MIB1: variants seen among roughly 807,000 people sequenced by gnomAD.
MIB1 encodes MIB E3 ubiquitin protein ligase 1.
A neutral mutation model predicts 124.5 loss-of-function variants in MIB1; 278 were observed. The observed-to-expected ratio is 2.23, with a 90% CI of 2.02 to 2.47. The LOEUF (loss-of-function observed/expected upper bound fraction) is 2.47. MIB1 is among the 30% of genes most tolerant of loss of function. The pLI is 0.00. For missense variants in MIB1, 957 were observed against 1,254.4 expected, an observed-to-expected ratio of 0.76 and a Z score of 3.58; for synonymous variants, 446 against 429.4, an observed-to-expected ratio of 1.04 and a Z score of -0.48.
intron 19 of MIB1, 52 bp downstream of exon 19, chr18:21,857,295 C>A (rs757987187): frequency 1.9e-6 from 2 of 1,070,216 alleles, no homozygotes; most frequent in South Asian, 1.3e-5. Context: ...TTGGGACTTG[C>A]ATAAACACCT....
intron 1 of MIB1, among the ~76,000 whole-genome samples, chr18:21,759,229 G>GTATA (rs34993928): frequency 3.3e-5 from 5 of 149,540 alleles, no homozygotes; most frequent in East Asian, 1.9e-4. Flanking sequence ...ATATATATGT[G>GTATA]TATATATATA....
rs2040730587 is a variant in MIB1 at position 21,724,721 on chromosome 18, AAAAAAAATATATATATATATAT to A, written n.167+19600_167+19621del. 6.9e-5 allele frequency among the ~76,000 whole-genome samples: 4 copies of A among 58,116 alleles called. 1 individual carries two copies. Among genetic ancestry groups the A allele is most frequent in the African/African-American group, 2.0e-4 (3 of 14,816 alleles). 38.1% of individuals were successfully genotyped at this position (58,116 alleles called of 152,430 possible). A position where few individuals can be genotyped will look rare whatever the true frequency, so the allele number is the denominator to read the frequency against. ...CTCTGTCTCCCCCATCCAAAAAAAA[AAAAAAAATATATATATATATAT>A]ATATATATATATATATATATATATA... On this transcript the variant is annotated intron_variant and non_coding_transcript_variant, in intron 1 of 20. Transcript: ENST00000578646.
In MIB1 at chr18:21,857,296, A is replaced by G. The variant is rs898169736; in HGVS notation, c.2779+53A>G. 4.7e-5 allele frequency: 50 copies of G among 1,070,842 alleles called. No individual in the cohort carries two copies. The South Asian group carries it at 5.3e-4, about 11-fold the overall frequency. 66.3% of individuals were successfully genotyped at this position (1,070,842 alleles called of 1,614,324 possible). A position where few individuals can be genotyped will look rare whatever the true frequency, so the allele number is the denominator to read the frequency against. On this transcript the variant is annotated intron_variant, in intron 19 of 20. Coordinates refer to ENST00000261537, the MANE Select transcript of MIB1 (RefSeq NM_020774.4). ...TATTTTGCTTTTTTTTGGGACTTGC[A>G]TAAACACCTCTTCTCTTTCGTAATA...
intron 13 of MIB1, among the ~76,000 whole-genome samples, chr18:21,842,083 C>G (rs1361186803): frequency 8.4e-6 from 1 of 119,636 alleles, no homozygotes; most frequent in Non-Finnish European, 1.7e-5. Flanking sequence ...CAGAGTGAGA[C>G]CCTATCTCAA....
chr18:21,852,670 A>G (rs1228597945), intron 17 of MIB1, among the ~76,000 whole-genome samples: 2 of 152,196 alleles, frequency 1.3e-5, no homozygotes, highest in African/African-American at 4.8e-5. Context: ...TTTAAGGTAG[A>G]GTTTCTTAAA....
intron 4 of MIB1, among the ~76,000 whole-genome samples, chr18:21,777,254 A>G (rs2146422759): frequency 6.6e-6 from 1 of 152,084 alleles, no homozygotes; most frequent in East Asian, 2.0e-4. Flanking sequence ...CCCTGTCTGT[A>G]CTAAAAATGC....
rs1278934072 is a variant in MIB1 at position 21,725,206 on chromosome 18, A to G, written n.167+20083A>G. Among the ~76,000 whole-genome samples the G allele has an allele frequency of 5.3e-5, 8 of 152,174 alleles. No homozygotes were observed. The South Asian group carries it at 6.2e-4, about 12-fold the overall frequency. On this transcript the variant is annotated intron_variant and non_coding_transcript_variant, in intron 1 of 20. Coordinates refer to the MIB1 transcript ENST00000578646. The stretch of plus-strand genomic sequence containing the variant: ...TGCACTATTTGTGGCCCTAATTTTA[A>G]CACTAACAATTTGATTTTCAATTGA...
chr18:21,733,094 G>A (rs146353519), intron 1 of MIB1, among the ~76,000 whole-genome samples: 1 of 152,224 alleles, frequency 6.6e-6, no homozygotes, highest in East Asian at 1.9e-4. Context: ...GGATCGTACT[G>A]GTAAAGTTGT....
intron 4 of MIB1, among the ~76,000 whole-genome samples, chr18:21,776,379 G>A (rs1426547689): frequency 2.0e-5 from 3 of 152,124 alleles, no homozygotes; most frequent in Non-Finnish European, 4.4e-5. Context: ...GTGTGAGTGT[G>A]CGTGTGTGTG....
At chr18:21,798,513 G>T (rs1246895438) in intron 8 of MIB1, among the ~76,000 whole-genome samples, 2 of 152,190 alleles carry the variant, frequency 1.3e-5, no homozygotes, top group Middle Eastern at 3.4e-3. Context: ...TCAAATTTGA[G>T]ATTCCTAAAA....
intron 6 of MIB1, among the ~76,000 whole-genome samples, chr18:21,787,394 G>A (rs1671176457): frequency 6.6e-6 from 1 of 152,182 alleles, no homozygotes; most frequent in Admixed American, 6.5e-5. Flanking sequence ...AGAGTTTCAA[G>A]GGCTAGGTTT....
At chr18:21,721,023 C>T (rs1230542278) in intron 1 of MIB1, among the ~76,000 whole-genome samples, 4 of 151,906 alleles carry the variant, frequency 2.6e-5, no homozygotes, top group Admixed American at 2.6e-4. Flanking sequence ...GTTGCTGCAA[C>T]TGAGTGATGG....
Position 21,779,861 on chromosome 18 carries a change from CGT to C in MIB1, c.908+205_908+206del, listed in dbSNP as rs67233506. Among the ~76,000 whole-genome samples, 35,011 of 148,310 alleles carry C rather than the reference CGT, an allele frequency of 0.24. 4,176 individuals carry two copies. Among genetic ancestry groups the C allele is most frequent in the African/African-American group, 0.29 (11,795 of 40,592 alleles). Reference sequence around the variant, plus strand: ...GGAGAGAAACAAATGATAAGAATTACGTGTGTGTGTGTGTGTGTGTGTGTGTG... The same window carrying C: ...GGAGAGAAACAAATGATAAGAATTACGTGTGTGTGTGTGTGTGTGTGTGTG... On this transcript the variant is annotated intron_variant, in intron 6 of 20. Transcript: ENST00000261537.
At chr18:21,840,236 T>TA (rs1461015408) in intron 13 of MIB1, among the ~76,000 whole-genome samples, 2 of 151,716 alleles carry the variant, frequency 1.3e-5, no homozygotes, top group African/African-American at 4.8e-5. Flanking sequence ...ACTAAAAGAA[T>TA]AAAAAATGCA....
At chr18:21,863,831 C>T (rs1055305438) in intron 20 of MIB1, among the ~76,000 whole-genome samples, 1 of 152,002 alleles carries the variant, frequency 6.6e-6, no homozygotes, top group Non-Finnish European at 1.5e-5. Flanking sequence ...TGGTGAAACC[C>T]CATCTCTACT....
At chr18:21,824,541 G>A (rs1180586095) in intron 12 of MIB1, among the ~76,000 whole-genome samples, 1 of 152,068 alleles carries the variant, frequency 6.6e-6, no homozygotes, top group African/African-American at 2.4e-5. Context: ...TCTAATGTAT[G>A]CTCATGCATC....
intron 1 of MIB1, among the ~76,000 whole-genome samples, chr18:21,751,495 T>C (rs893319482): frequency 3.9e-5 from 6 of 151,968 alleles, no homozygotes; most frequent in Admixed American, 3.3e-4. Flanking sequence ...GCTCCTGACC[T>C]CAAGTGATCA....
Position 21,741,086 on chromosome 18 carries a change from G to A in MIB1, c.-498G>A, listed in dbSNP as rs760206647. On this transcript the variant is annotated 5_prime_UTR_variant, in exon 1 of 21. Transcript: ENST00000261537. The surrounding 1 kb of genome is among the most constrained non-coding windows in gnomAD (Gnocchi z 5.4). Reference sequence around the variant, plus strand: ...GGAGGTACCACCGCTGCCCACGGGGGAGGAGGCGGCGCCGGCGCTTGGGTG... The same window carrying A: ...GGAGGTACCACCGCTGCCCACGGGGAAGGAGGCGGCGCCGGCGCTTGGGTG... Among the ~76,000 whole-genome samples the A allele has an allele frequency of 6.6e-6, 1 of 152,100 alleles. No individual in the cohort carries two copies. Among genetic ancestry groups the A allele is most frequent in the Non-Finnish European group, 1.5e-5 (1 of 67,998 alleles).
intron 7 of MIB1, among the ~76,000 whole-genome samples, chr18:21,793,101 A>G (rs1598613725): frequency 6.6e-6 from 1 of 152,220 alleles, no homozygotes; most frequent in East Asian, 1.9e-4. Context: ...GGCATCTGAT[A>G]GATCCGAGAA....
Sources: gnomAD v4.1 joint callset for allele counts (sites outside exome capture counted in the v4.1 genomes callset) on GRCh38, gnomAD v4.1.1 for gene constraint, Gnocchi (gnomAD v3.1) non-coding constraint, MANE v1.5 for transcripts, NCBI Gene and HGNC (gene_info 2026-07-23, HGNC 2026-07-21) for gene names.